Variants in MKX observed in about 807,000 individuals in gnomAD.
MKX encodes mohawk homeobox.
Under a neutral mutation model 36.0 loss-of-function variants are expected in MKX, and 13 were observed. That is an observed-to-expected ratio of 0.36 (90% confidence interval 0.24 to 0.57). The LOEUF is 0.57. Among genes scored for constraint, MKX ranks in the 20% least tolerant of loss-of-function variants. MKX has a pLI of 0.79. For synonymous variants in MKX, 176 were observed against 178.3 expected (o/e 0.99, Z 0.10); for missense variants, 458 against 456.4 (o/e 1.00, Z -0.03).
chr10:27,730,679 A>T (rs1834604977), intron 5 of MKX, among the ~76,000 whole-genome samples: 1 of 151,684 alleles, frequency 6.6e-6, no homozygotes, highest in South Asian at 2.1e-4. Context: ...GCTGGTCTCG[A>T]ACTCCTAATT....
At chr10:27,737,172 A>G (rs936315450) in intron 3 of MKX, among the ~76,000 whole-genome samples, 1 of 152,148 alleles carries the variant, frequency 6.6e-6, no homozygotes, top group Non-Finnish European at 1.5e-5. Context: ...TCTTCATGAA[A>G]TTTCTCAAAC....
intron 3 of MKX, among the ~76,000 whole-genome samples, chr10:27,736,926 A>T (rs1348412028): frequency 6.6e-6 from 1 of 152,100 alleles, no homozygotes; most frequent in Non-Finnish European, 1.5e-5. Context: ...CTGCTAAGCT[A>T]TGTTACTATT....
In MKX at chr10:27,711,514, C is replaced by CT. The variant is rs1564357178; in HGVS notation, c.838+22941_838+22942insA. 4.1e-3 allele frequency among the ~76,000 whole-genome samples: 494 copies of CT among 120,822 alleles called. 12 individuals are homozygous for CT. The highest frequency in any genetic ancestry group is 0.018 in the African/African-American group (467 of 25,788). The allele number at this position is 120,822 out of a possible 152,430, so 79.3% of individuals were successfully genotyped here. A position where few individuals can be genotyped will look rare whatever the true frequency, so the allele number is the denominator to read the frequency against. On this transcript the variant is annotated intron_variant, in intron 5 of 6. Transcript: ENST00000419761. The stretch of plus-strand genomic sequence containing the variant: ...CTCTCTCTTCTTTCCTTCCTTCCTT[C>CT]CTTCCTTCCTTCCTTCCTTCCTTCC...
At chr10:27,701,951 T>C (rs1383497784) in intron 5 of MKX, among the ~76,000 whole-genome samples, 1 of 151,732 alleles carries the variant, frequency 6.6e-6, no homozygotes, top group East Asian at 1.9e-4. Context: ...TCCTTTAAGG[T>C]CAGTAAGCTA....
At chr10:27,686,386 G>T in intron 5 of MKX, among the ~76,000 whole-genome samples, 1 of 134,142 alleles carries the variant, frequency 7.5e-6, no homozygotes, top group African/African-American at 3.0e-5. Flanking sequence ...GGGAAGGGAA[G>T]GGAAGGGAAA....
Position 27,719,698 on chromosome 10 carries a change from A to G in MKX, c.838+14758T>C, listed in dbSNP as rs372706418. Among the ~76,000 whole-genome samples the G allele has an allele frequency of 8.5e-5, 13 of 152,300 alleles. No homozygotes were observed. In the East Asian group the frequency reaches 1.5e-3, roughly 18 times the overall value. Reference sequence around the variant, plus strand: ...AAAACTGCAGTAGGAAAATTGATTTATAGGGCCAGGCATGTTGGCTCCCAT... The same window carrying G: ...AAAACTGCAGTAGGAAAATTGATTTGTAGGGCCAGGCATGTTGGCTCCCAT... On this transcript the variant is annotated intron_variant, in intron 5 of 6. Coordinates refer to ENST00000419761, the MANE Select transcript of MKX (RefSeq NM_173576.3).
intron 5 of MKX, among the ~76,000 whole-genome samples, chr10:27,711,518 C>CT (rs1564357190): frequency 1.0e-4 from 13 of 125,576 alleles, no homozygotes; most frequent in African/African-American, 4.4e-4. Context: ...TTCCTTCCTT[C>CT]CTTCCTTCCT....
chr10:27,743,697 G>A lies in MKX; in HGVS notation c.-82-200C>T, dbSNP rs985641206. Among the ~76,000 whole-genome samples, 5 of 152,246 alleles carry A rather than the reference G, an allele frequency of 3.3e-5. No homozygotes were observed. The South Asian group carries it at 8.3e-4, about 25-fold the overall frequency. On this transcript the variant is annotated intron_variant, in intron 1 of 6. Coordinates refer to ENST00000419761, the MANE Select transcript of MKX (RefSeq NM_173576.3). ...CTGCAGGTTCCCCGGACAGGTACCT[G>A]CCCTCTTCCTTGCCTGGGCGATCGA...
At chr10:27,736,640 CT>C (rs897520919) in intron 3 of MKX, among the ~76,000 whole-genome samples, 31 of 148,644 alleles carry the variant, frequency 2.1e-4, no homozygotes, top group Middle Eastern at 3.5e-3. Context: ...GAAATTTCTA[CT>C]TTTTTTTTTC....
intron 5 of MKX, among the ~76,000 whole-genome samples, chr10:27,722,927 G>A (rs1179163370): frequency 4.6e-5 from 7 of 152,112 alleles, no homozygotes; most frequent in Admixed American, 4.6e-4. Flanking sequence ...GTGTGTGTTA[G>A]GGGGTGGGGA....
chr10:27,680,446 G>T lies in MKX; in HGVS notation c.839-4892C>A, dbSNP rs552006191. ...CCAAACCATGTTGAAACTTAAAGTG[G>T]GGCTATCCTCAGTTTGGACATGTGT... is the stretch of plus-strand genomic sequence containing the variant. On this transcript the variant is annotated intron_variant, in intron 5 of 6. Transcript: ENST00000419761. Among the ~76,000 whole-genome samples the T allele has an allele frequency of 2.6e-5, 4 of 151,542 alleles. No individual in the cohort carries two copies. In the East Asian group the frequency reaches 7.7e-4, roughly 29 times the overall value.
chr10:27,718,231 A>T (rs1836999046), intron 5 of MKX, among the ~76,000 whole-genome samples: 1 of 152,240 alleles, frequency 6.6e-6, no homozygotes, highest in Non-Finnish European at 1.5e-5. Context: ...AAAAGAAGAA[A>T]TAATAATGAA....
Position 27,735,288 on chromosome 10 carries a change from T to C in MKX, c.435A>G (p.Leu145=). The change falls in exon 4 of 7, where the codon TTA becomes TTG. Residue 145 remains leucine (L), a synonymous_variant. Coordinates refer to ENST00000419761, the MANE Select transcript of MKX (RefSeq NM_173576.3). ...PDLSWALRIK[L]YNKYVQGNAE... is the part of the protein sequence containing the mutation. Reference sequence around the variant, plus strand: ...CATTGCCTTGAACATACTTGTTGTATAACTTTATTCTCAAAGCCCAGCTTA... The same window carrying C: ...CATTGCCTTGAACATACTTGTTGTACAACTTTATTCTCAAAGCCCAGCTTA... 6.2e-7 allele frequency: 1 copy of C among 1,613,952 alleles called. No homozygotes were observed. Among genetic ancestry groups the C allele is most frequent in the Non-Finnish European group, 8.5e-7 (1 of 1,179,950 alleles).
rs143153011 is a variant in MKX at position 27,700,764 on chromosome 10, G to A, written c.839-25210C>T. The stretch of plus-strand genomic sequence containing the variant: ...GCTAGTAATACAGTAGTGAACAAGA[G>A]GAAGGTGGTTTGTGTCCTCTGAAGT... On this transcript the variant is annotated intron_variant, in intron 5 of 6. Coordinates refer to ENST00000419761, the MANE Select transcript of MKX (RefSeq NM_173576.3). 1.2e-4 allele frequency among the ~76,000 whole-genome samples: 18 copies of A among 152,228 alleles called. No individual in the cohort carries two copies. In the East Asian group the frequency reaches 3.3e-3, roughly 28 times the overall value.
intron 3 of MKX, among the ~76,000 whole-genome samples, chr10:27,736,950 C>G (rs187569398): frequency 5.4e-4 from 82 of 152,294 alleles, no homozygotes; most frequent in African/African-American, 1.8e-3. Context: ...AAGATTCAGT[C>G]TGACTTCAAA....
chr10:27,679,217 C>G (rs1400167706), intron 5 of MKX, among the ~76,000 whole-genome samples: 2 of 152,044 alleles, frequency 1.3e-5, no homozygotes, highest in African/African-American at 4.8e-5. Context: ...ACATGTATAC[C>G]TATGTAACAA....
intron 5 of MKX, among the ~76,000 whole-genome samples, chr10:27,702,003 A>C (rs1297346981): frequency 2.0e-5 from 3 of 152,066 alleles, no homozygotes; most frequent in Admixed American, 2.0e-4. Flanking sequence ...TCCTCCTACC[A>C]ATCTCCAGGA....
chr10:27,731,445 G>C (rs191884075), intron 5 of MKX, among the ~76,000 whole-genome samples: 2 of 152,020 alleles, frequency 1.3e-5, no homozygotes, highest in East Asian at 1.9e-4. Context: ...ACCCAGCTAC[G>C]ATTGCAGCAA....
At chr10:27,734,404 A>G in intron 5 of MKX, 52 bp downstream of exon 5, 1 of 1,479,714 alleles carries the variant, frequency 6.8e-7, no homozygotes, top group South Asian at 1.2e-5. Context: ...TGCAGTTTTA[A>G]TTGTGCTTTA....
Sources: gnomAD v4.1 joint callset for allele counts (sites outside exome capture counted in the v4.1 genomes callset) on GRCh38, gnomAD v4.1.1 for gene constraint, MANE v1.5 for transcripts, NCBI Gene and HGNC (gene_info 2026-07-23, HGNC 2026-07-21) for gene names.